The following PDLIM1 variants were observed in gnomAD, a reference collection of about 807,000 sequenced individuals.
The protein encoded by PDLIM1 is PDZ and LIM domain 1.
Under a neutral mutation model 35.2 loss-of-function variants are expected in PDLIM1, and 25 were observed. The observed-to-expected ratio is 0.71, with a 90% confidence interval of 0.52 to 0.99. PDLIM1 has a LOEUF of 0.99. Ranked by LOEUF, PDLIM1 falls within the 50% of genes least tolerant of loss-of-function variation. The pLI, the probability that PDLIM1 is intolerant of heterozygous loss-of-function variation, is 0.00. For synonymous variants in PDLIM1, 152 were observed against 154.0 expected (o/e 0.99, Z 0.10); for missense variants, 363 against 415.3 (o/e 0.87, Z 1.09).
intron 1 of PDLIM1, among the ~76,000 whole-genome samples, chr10:95,276,026 G>GA (rs1196628894): frequency 6.6e-6 from 1 of 151,980 alleles, no homozygotes; most frequent in Non-Finnish European, 1.5e-5. Flanking sequence ...TTTTTTAGGG[G>GA]AAAAAATTGA....
intron 1 of PDLIM1, among the ~76,000 whole-genome samples, chr10:95,274,517 G>A (rs1589517761): frequency 1.3e-5 from 2 of 151,808 alleles, no homozygotes; most frequent in Non-Finnish European, 2.9e-5. Flanking sequence ...GGCTGGTCTC[G>A]AACTCCTGAC....
At chr10:95,271,862 G>A in intron 1 of PDLIM1, 78 bp from the exon 2 acceptor site, 2 of 1,361,842 alleles carry the variant, frequency 1.5e-6, no homozygotes, top group Non-Finnish European at 2.0e-6. Context: ...AGTATTCACT[G>A]ATATGGAGCA....
chr10:95,280,222 A>C (rs1251549078), intron 1 of PDLIM1, among the ~76,000 whole-genome samples: 1 of 152,094 alleles, frequency 6.6e-6, no homozygotes, highest in Non-Finnish European at 1.5e-5. Flanking sequence ...CTAAAAATAC[A>C]AAAAATTAGC....
intron 4 of PDLIM1, among the ~76,000 whole-genome samples, chr10:95,260,130 G>A (rs2035348063): frequency 6.6e-6 from 1 of 152,260 alleles, no homozygotes; most frequent in Non-Finnish European, 1.5e-5. Flanking sequence ...GCCAGGCACT[G>A]TGCTGAGTGC....
intron 5 of PDLIM1, among the ~76,000 whole-genome samples, chr10:95,244,899 CAAACAAAAACAA>C (rs777841549): frequency 6.6e-6 from 1 of 152,008 alleles, no homozygotes; most frequent in Non-Finnish European, 1.5e-5. Context: ...GACCCTGTCT[CAAACAAAAACAA>C]AAACAAAAAC....
intron 4 of PDLIM1, among the ~76,000 whole-genome samples, chr10:95,250,874 C>A (rs11188250): frequency 6.6e-6 from 1 of 152,020 alleles, no homozygotes; most frequent in Non-Finnish European, 1.5e-5. Context: ...TATTTTCTCC[C>A]ACTATTTTAG....
At chr10:95,246,437 G>T (rs1243784925) in intron 5 of PDLIM1, among the ~76,000 whole-genome samples, 1 of 152,146 alleles carries the variant, frequency 6.6e-6, no homozygotes, top group Non-Finnish European at 1.5e-5. Flanking sequence ...TGTCTCCTGA[G>T]ACCTGCAGAA....
At chr10:95,287,121 CTT>C (rs898505940) in intron 1 of PDLIM1, among the ~76,000 whole-genome samples, 2 of 152,166 alleles carry the variant, frequency 1.3e-5, no homozygotes, top group Admixed American at 6.5e-5. Context: ...ATGTCATTCT[CTT>C]TGGTTTGTCC....
At chr10:95,279,614 C>G (rs1461833340) in intron 1 of PDLIM1, among the ~76,000 whole-genome samples, 3 of 152,204 alleles carry the variant, frequency 2.0e-5, no homozygotes, top group Non-Finnish European at 4.4e-5. Flanking sequence ...CTGAGCTCTG[C>G]ATGCTACACA....
chr10:95,287,875 C>T (rs1319669013), intron 1 of PDLIM1, among the ~76,000 whole-genome samples: 3 of 150,900 alleles, frequency 2.0e-5, no homozygotes, highest in African/African-American at 7.3e-5. Context: ...AAGTTGATAA[C>T]GATACTAGAT....
At chr10:95,247,595 G>A (rs2035233647) in intron 4 of PDLIM1, 3 of 412,900 alleles carry the variant, frequency 7.3e-6, no homozygotes. Context: ...CTTCTAAATA[G>A]CTTCAGTAGC....
chr10:95,248,418 G>C (rs1394716839), intron 4 of PDLIM1, among the ~76,000 whole-genome samples: 1 of 152,064 alleles, frequency 6.6e-6, no homozygotes, highest in Non-Finnish European at 1.5e-5. Flanking sequence ...CGCTGATTTT[G>C]TCATTATTTT....
intron 4 of PDLIM1, among the ~76,000 whole-genome samples, chr10:95,252,382 C>G (rs527328310): frequency 1.3e-5 from 2 of 152,292 alleles, no homozygotes; most frequent in East Asian, 3.9e-4. Context: ...TTTCTACCCC[C>G]ACCTGTCAGT....
rs2035142954 is a variant in PDLIM1 at position 95,238,125 on chromosome 10, G to T, written c.804-14C>A. ...ACAAACACACCACTACAGAAGCAAG[G>T]GAGGGAAGGGACTCCATCAGTGACA... On this transcript the variant is annotated splice_polypyrimidine_tract_variant and intron_variant, in intron 6 of 6. Coordinates refer to ENST00000329399, the MANE Select transcript of PDLIM1 (RefSeq NM_020992.4). 18 of 1,607,146 alleles carry T rather than the reference G, an allele frequency of 1.1e-5. No individual in the cohort carries two copies. The highest frequency in any genetic ancestry group is 1.4e-5 in the Non-Finnish European group (16 of 1,174,754).
intron 4 of PDLIM1, among the ~76,000 whole-genome samples, chr10:95,263,489 C>G (rs1158835037): frequency 6.6e-6 from 1 of 152,010 alleles, no homozygotes; most frequent in Non-Finnish European, 1.5e-5. Flanking sequence ...CCCTCAAACA[C>G]TCCCCGACTA....
intron 4 of PDLIM1, among the ~76,000 whole-genome samples, chr10:95,261,065 G>A (rs930472056): frequency 3.3e-5 from 5 of 152,206 alleles, no homozygotes; most frequent in Non-Finnish European, 5.9e-5. Flanking sequence ...AATCTGCAAA[G>A]AGACAAATTT....
chr10:95,258,428 A>C (rs1041843170), intron 4 of PDLIM1, among the ~76,000 whole-genome samples: 1 of 151,950 alleles, frequency 6.6e-6, no homozygotes, highest in African/African-American at 2.4e-5. Context: ...TTAAACCTGG[A>C]GGGGCAGAGT....
At chr10:95,280,059 T>C (rs1041599227) in intron 1 of PDLIM1, among the ~76,000 whole-genome samples, 1 of 152,184 alleles carries the variant, frequency 6.6e-6, no homozygotes, top group African/African-American at 2.4e-5. Context: ...ATTAGTCCTT[T>C]TTAGTAAATT....
intron 4 of PDLIM1, among the ~76,000 whole-genome samples, chr10:95,248,403 T>A (rs2035241104): frequency 1.3e-5 from 2 of 152,106 alleles, no homozygotes; most frequent in South Asian, 4.2e-4. Context: ...TGTGCCACCA[T>A]CCCCCGCTGA....
Sources: gnomAD v4.1 joint callset for allele counts (sites outside exome capture counted in the v4.1 genomes callset) on GRCh38, gnomAD v4.1.1 for gene constraint, MANE v1.5 for transcripts, NCBI Gene and HGNC (gene_info 2026-07-23, HGNC 2026-07-21) for gene names.